SLC1A1: variants seen among roughly 807,000 people sequenced by gnomAD.
SLC1A1 encodes excitatory amino acid transporter 3.
Under a neutral mutation model 53.3 loss-of-function variants are expected in SLC1A1, and 43 were observed. The ratio of observed to expected loss-of-function variants is 0.81; its 90% confidence interval spans 0.63 to 1.04. The LOEUF (loss-of-function observed/expected upper bound fraction) is 1.04, where lower values mean the gene tolerates loss of function less well. Among genes scored for constraint, SLC1A1 ranks in the 50% least tolerant of loss-of-function variants. The pLI, the probability that SLC1A1 is intolerant of heterozygous loss-of-function variation, is 0.00. For missense variants in SLC1A1, 748 were observed against 664.9 expected (o/e 1.12, Z -1.37); for synonymous variants, 307 against 243.2 (o/e 1.26, Z -2.44).
intron 1 of SLC1A1, among the ~76,000 whole-genome samples, chr9:4,529,960 T>A (rs998688906): frequency 6.6e-6 from 1 of 152,118 alleles, no homozygotes; most frequent in Non-Finnish European, 1.5e-5. Flanking sequence ...TAAATTTGAG[T>A]TGGACAATGA....
intron 6 of SLC1A1, 60 bp downstream of exon 6, chr9:4,567,827 C>T: frequency 2.0e-6 from 2 of 1,011,238 alleles, no homozygotes; most frequent in South Asian, 2.6e-5. Flanking sequence ...CATGACTGAG[C>T]AGGAAATACA....
chr9:4,513,873 A>G (rs975500959), intron 1 of SLC1A1, among the ~76,000 whole-genome samples: 17 of 152,238 alleles, frequency 1.1e-4, no homozygotes, highest in African/African-American at 4.1e-4. Flanking sequence ...AAAGGAACAT[A>G]CCATTGATAC....
chr9:4,544,487 G>T lies in SLC1A1; in HGVS notation c.92-80G>T, dbSNP rs1404613992. 4 of 1,218,950 alleles carry T rather than the reference G, an allele frequency of 3.3e-6. No homozygotes were observed. The East Asian group carries it at 9.3e-5, about 28-fold the overall frequency. The allele number at this position is 1,218,950 out of a possible 1,614,324, so 75.5% of individuals were successfully genotyped here. A position where few individuals can be genotyped will look rare whatever the true frequency, so the allele number is the denominator to read the frequency against. ...TTCTTGCCATTAAAATGTGCATTTG[G>T]GAGTATTTTTCCATAGACATAGATA... is the stretch of plus-strand genomic sequence containing the variant. On this transcript the variant is annotated intron_variant, in intron 1 of 11. Coordinates refer to ENST00000262352, the MANE Select transcript of SLC1A1 (RefSeq NM_004170.6).
At chr9:4,563,235 T>C (rs1349303399) in intron 3 of SLC1A1, among the ~76,000 whole-genome samples, 1 of 151,810 alleles carries the variant, frequency 6.6e-6, no homozygotes, top group Non-Finnish European at 1.5e-5. Context: ...TAGCCCTGCT[T>C]CAATGAGCTG....
chr9:4,583,469 C>T lies in SLC1A1; in HGVS notation c.1328+297C>T, dbSNP rs377334225. On this transcript the variant is annotated intron_variant, in intron 11 of 11. Coordinates refer to ENST00000262352, the MANE Select transcript of SLC1A1 (RefSeq NM_004170.6). This position sits in a 1 kb window ranked among gnomAD's most constrained non-coding sequence, Gnocchi z 4.6. ...ACACAGAACAAGGTGAGAAGCCAGG[C>T]AGGGCCCCAGAGCCATCCTGACCTA... is the stretch of plus-strand genomic sequence containing the variant. 4.7e-4 allele frequency among the ~76,000 whole-genome samples: 72 copies of T among 152,318 alleles called. 2 individuals are homozygous for T. In the South Asian group the frequency reaches 0.014, roughly 30 times the overall value.
intron 1 of SLC1A1, among the ~76,000 whole-genome samples, chr9:4,509,489 G>A (rs1271242959): frequency 6.6e-6 from 1 of 151,190 alleles, no homozygotes; most frequent in African/African-American, 2.4e-5. Context: ...TGAGGGCTGA[G>A]TTGTGGCAGG....
rs374672470 is a variant in SLC1A1 at position 4,530,800 on chromosome 9, GC to G, written c.92-13766del. ...GGGATATATTTGGATATTAATAAAT[GC>G]AAAAGTGTTATTGCCTCTTTTTGAA... On this transcript the variant is annotated intron_variant, in intron 1 of 11. Coordinates refer to ENST00000262352, the MANE Select transcript of SLC1A1 (RefSeq NM_004170.6). 2.3e-4 allele frequency among the ~76,000 whole-genome samples: 35 copies of G among 152,268 alleles called. 1 individual carries two copies. The highest frequency in any genetic ancestry group is 7.2e-4 in the African/African-American group (30 of 41,572).
intron 4 of SLC1A1, among the ~76,000 whole-genome samples, chr9:4,565,396 TA>T (rs1420716027): frequency 1.3e-5 from 2 of 152,184 alleles, no homozygotes; most frequent in African/African-American, 4.8e-5. Flanking sequence ...GGGTAATTTA[TA>T]ACGGGAAGAG....
In SLC1A1 at chr9:4,490,694, G is replaced by A. The variant is rs776469673; in HGVS notation, c.15G>A (p.Ala5=). 5.0e-6 allele frequency: 8 copies of A among 1,612,688 alleles called. No homozygotes were observed. The South Asian group carries it at 8.8e-5, about 18-fold the overall frequency. The change falls in exon 1 of 12, where the codon GCG becomes GCA. Residue 5 remains alanine (A), a synonymous_variant. Coordinates refer to ENST00000262352, the MANE Select transcript of SLC1A1 (RefSeq NM_004170.6). ...CGGCGACAGCCATGGGGAAACCGGC[G>A]AGGAAAGGATGCGAGTGGAAGCGCT... The part of the protein sequence containing the change: MGKP[A]RKGCEWKRFL...
chr9:4,497,377 T>G (rs1820470000), intron 1 of SLC1A1, among the ~76,000 whole-genome samples: 2 of 152,144 alleles, frequency 1.3e-5, no homozygotes, highest in South Asian at 2.1e-4. Flanking sequence ...TATTACCCTA[T>G]ATTCTGATGT....
chr9:4,572,346 CT>C lies in SLC1A1; in HGVS notation c.728del (p.Leu243Ter). ...CAAATTCTGGTGGATTTCTTCAATGCTTTGAGTGATGCAACCATGAAAATCG... is the reference window on the plus strand; with the variant it reads ...CAAATTCTGGTGGATTTCTTCAATGCTTGAGTGATGCAACCATGAAAATCG... Reference protein sequence around the residue: ...KGQILVDFFNALSDATMKIVQ... With the variant: ...KGQILVDFFNXLSDATMKIVQ... On this transcript the variant is annotated frameshift_variant, in exon 7 of 12. Transcript: ENST00000262352. LOFTEE classifies it high-confidence loss of function. 6.2e-7 allele frequency: 1 copy of C among 1,614,116 alleles called. No homozygotes were observed. The highest frequency in any genetic ancestry group is 8.5e-7 in the Non-Finnish European group (1 of 1,179,980).
chr9:4,579,130 G>A (rs1017625361), intron 10 of SLC1A1, among the ~76,000 whole-genome samples: 2 of 152,184 alleles, frequency 1.3e-5, no homozygotes, highest in African/African-American at 2.4e-5. Context: ...ACACCAGCTG[G>A]GGAACTATCC....
At chr9:4,574,797 T>G (rs1586841598) in intron 8 of SLC1A1, among the ~76,000 whole-genome samples, 1 of 152,200 alleles carries the variant, frequency 6.6e-6, no homozygotes, top group African/African-American at 2.4e-5. Flanking sequence ...AACACCCAAC[T>G]TGAGCAATGA....
At chr9:4,525,644 A>G (rs1368964704) in intron 1 of SLC1A1, among the ~76,000 whole-genome samples, 1 of 152,204 alleles carries the variant, frequency 6.6e-6, no homozygotes, top group African/African-American at 2.4e-5. Context: ...GAAAAATGAT[A>G]GTGTGAAAAG....
At chr9:4,563,140 G>GAC (rs534160415) in intron 3 of SLC1A1, among the ~76,000 whole-genome samples, 30,066 of 144,184 alleles carry the variant, frequency 0.21, 3,863 homozygotes, top group East Asian at 0.44. Flanking sequence ...AAAAAAGAGA[G>GAC]AGAGAGAAAA....
At chr9:4,497,989 C>A (rs1352306561) in intron 1 of SLC1A1, among the ~76,000 whole-genome samples, 2 of 152,240 alleles carry the variant, frequency 1.3e-5, no homozygotes, top group East Asian at 3.9e-4. Context: ...AAACAAAAGT[C>A]TGAAATTGAT....
At chr9:4,551,865 T>C (rs897737215) in intron 2 of SLC1A1, among the ~76,000 whole-genome samples, 3 of 152,246 alleles carry the variant, frequency 2.0e-5, no homozygotes, top group Non-Finnish European at 2.9e-5. Flanking sequence ...AAAGGACTTA[T>C]TGTATCAATT....
chr9:4,549,635 A>G lies in SLC1A1; in HGVS notation c.232+4928A>G, dbSNP rs1487479773. Among the ~76,000 whole-genome samples, 1 of 152,144 alleles carries G rather than the reference A, an allele frequency of 6.6e-6. No individual in the cohort carries two copies. Among genetic ancestry groups the G allele is most frequent in the African/African-American group, 2.4e-5 (1 of 41,422 alleles). ...TAAGAAGGAAAAATTCCGCTATCAC[A>G]CAGGCCATCCTGTCCTGACCTGGAG... On this transcript the variant is annotated intron_variant, in intron 2 of 11. Transcript: ENST00000262352. The surrounding 1 kb of genome is among the most constrained non-coding windows in gnomAD (Gnocchi z 4.1).
In SLC1A1 at chr9:4,493,729, T is replaced by TA. The variant is rs954768417; in HGVS notation, c.91+2967dup. On this transcript the variant is annotated intron_variant, in intron 1 of 11. Transcript: ENST00000262352. Reference sequence around the variant, plus strand: ...ACCAGCCTGATCTCATCTCTATTTCTAAAAAAAATAATTTAAAGAAATAAT... The same window carrying TA: ...ACCAGCCTGATCTCATCTCTATTTCTAAAAAAAAATAATTTAAAGAAATAAT... Among the ~76,000 whole-genome samples the TA allele has an allele frequency of 4.6e-5, 7 of 151,988 alleles. No homozygotes were observed. In the South Asian group the frequency reaches 6.2e-4, roughly 13 times the overall value.
Sources: allele counts gnomAD v4.1 joint callset (sites outside exome capture counted in the v4.1 genomes callset), GRCh38; gene constraint gnomAD v4.1.1; non-coding constraint Gnocchi (gnomAD v3.1); transcripts MANE v1.5; gene names NCBI Gene and HGNC (gene_info 2026-07-23, HGNC 2026-07-21).